The following GPHN variants were observed in gnomAD, a reference collection of about 807,000 sequenced individuals.
The protein encoded by GPHN is gephyrin.
A neutral mutation model predicts 95.5 loss-of-function variants in GPHN; 17 were observed. The ratio of observed to expected loss-of-function variants is 0.18; its 90% CI spans 0.12 to 0.27. GPHN has a LOEUF of 0.27. Among genes scored for constraint, GPHN ranks in the 10% least tolerant of loss-of-function variants. The pLI, the probability that GPHN is intolerant of heterozygous loss-of-function variation, is 1.00. For missense variants in GPHN, 660 were observed against 978.1 expected (o/e 0.67, Z 4.34); for synonymous variants, 320 against 322.5 (o/e 0.99, Z 0.08).
chr14:67,381,540 CTT>C, the GPHN span: 1 of 1,432,642 alleles, frequency 7.0e-7, no homozygotes, highest in Non-Finnish European at 9.8e-7. Flanking sequence ...TTCCTTTAAA[CTT>C]TTAAATATTT....
At chr14:67,039,016 C>A (rs543672453) in intron 10 of GPHN, among the ~76,000 whole-genome samples, 1 of 152,280 alleles carries the variant, frequency 6.6e-6, no homozygotes, top group Admixed American at 6.5e-5. Context: ...TATCTTCAGT[C>A]TCTTGCTCCC....
At chr14:66,828,980 G>T (rs1174385264) in intron 4 of GPHN, among the ~76,000 whole-genome samples, 1 of 150,974 alleles carries the variant, frequency 6.6e-6, no homozygotes, top group Non-Finnish European at 1.5e-5. Flanking sequence ...AATATGAGAT[G>T]CTATCAAAAC....
intron 1 of GPHN, among the ~76,000 whole-genome samples, chr14:66,613,127 T>C (rs571472290): frequency 4.6e-5 from 7 of 152,130 alleles, no homozygotes; most frequent in African/African-American, 1.2e-4. Context: ...AGGGGAAATA[T>C]AGGGTTAGGT....
At chr14:66,669,020 A>T (rs1477119360) in intron 1 of GPHN, among the ~76,000 whole-genome samples, 3 of 151,664 alleles carry the variant, frequency 2.0e-5, no homozygotes, top group African/African-American at 7.3e-5. Flanking sequence ...AGCAGGGATT[A>T]CAGGCAGGGT....
At chr14:67,630,190 G>C in the GPHN span, among the ~76,000 whole-genome samples, 1 of 152,236 alleles carries the variant, frequency 6.6e-6, no homozygotes, top group Non-Finnish European at 1.5e-5. Context: ...TTGTGCAAAA[G>C]TAATTGCGGT....
At position 67,045,243 on chromosome 14, in the gene GPHN, T is replaced by C. The variant is rs149111634; in HGVS notation, c.1007-13406T>C. On this transcript the variant is annotated intron_variant, in intron 10 of 22. Transcript: ENST00000478722. The stretch of plus-strand genomic sequence containing the variant: ...TCTCAAATATGTATCTCCAAACACT[T>C]CTCTCAATTTCCACAACTACCCGCA... Among the ~76,000 whole-genome samples the C allele has an allele frequency of 2.0e-5, 3 of 152,318 alleles. No homozygotes were observed. The East Asian group carries it at 5.8e-4, about 29-fold the overall frequency.
At chr14:67,642,789 T>C in the GPHN span, among the ~76,000 whole-genome samples, 5 of 119,564 alleles carry the variant, frequency 4.2e-5, no homozygotes, top group Admixed American at 1.0e-4. Flanking sequence ...TGTTACTACA[T>C]TTTCTTTTTT....
Position 66,998,888 on chromosome 14 carries a change from A to AAAT in GPHN, c.964-24744_964-24743insATA, listed in dbSNP as rs1555460418. On this transcript the variant is annotated intron_variant, in intron 9 of 22. Coordinates refer to ENST00000478722, the MANE Select transcript of GPHN (RefSeq NM_020806.5). ...TTATGGTCCCTTTGTAAAAAAAAAA[A>AAAT]ATATATATATATATATACACATATA... Among the ~76,000 whole-genome samples the AAAT allele has an allele frequency of 1.3e-3, 184 of 142,920 alleles. 1 individual carries two copies. Among genetic ancestry groups the AAAT allele is most frequent in the African/African-American group, 4.5e-3 (170 of 38,172 alleles). 93.8% of individuals were successfully genotyped at this position (142,920 alleles called of 152,430 possible).
chr14:67,686,030 G>A, the GPHN span: 5 of 152,192 alleles, frequency 3.3e-5, no homozygotes, highest in Admixed American at 2.0e-4. Flanking sequence ...AACATTAAAT[G>A]TTGGAGTTCT....
chr14:67,533,303 G>C, the GPHN span: 1 of 151,808 alleles, frequency 6.6e-6, no homozygotes, highest in Non-Finnish European at 1.5e-5. Flanking sequence ...GGCAGCCCGG[G>C]ACTCCGGCGA....
chr14:67,179,118 C>T (rs2083183290), intron 21 of GPHN, among the ~76,000 whole-genome samples: 1 of 152,216 alleles, frequency 6.6e-6, no homozygotes, highest in South Asian at 2.1e-4. Flanking sequence ...GGCATGGTGG[C>T]TCATGCCTAT....
At chr14:66,839,283 A>C (rs1018044981) in intron 4 of GPHN, among the ~76,000 whole-genome samples, 1 of 152,242 alleles carries the variant, frequency 6.6e-6, no homozygotes, top group Non-Finnish European at 1.5e-5. Flanking sequence ...TGGAAGGACT[A>C]ATTGATATAC....
At chr14:67,162,157 CT>C (rs1268260262) in intron 19 of GPHN, among the ~76,000 whole-genome samples, 1 of 152,004 alleles carries the variant, frequency 6.6e-6, no homozygotes. Context: ...CAATGGAATC[CT>C]TTTTTAAATG....
chr14:66,869,406 T>C (rs1490192522), intron 4 of GPHN, among the ~76,000 whole-genome samples: 4 of 152,218 alleles, frequency 2.6e-5, no homozygotes, highest in Non-Finnish European at 4.4e-5. Flanking sequence ...ATTCTCTTAT[T>C]CTTTGTTTTC....
At chr14:66,861,311 CAA>C (rs1190530366) in intron 4 of GPHN, among the ~76,000 whole-genome samples, 1 of 151,658 alleles carries the variant, frequency 6.6e-6, no homozygotes, top group Non-Finnish European at 1.5e-5. Context: ...GTGAATTCAG[CAA>C]TGAACCCAAT....
At chr14:67,134,889 TTTC>T (rs1322225121) in intron 17 of GPHN, among the ~76,000 whole-genome samples, 1 of 150,710 alleles carries the variant, frequency 6.6e-6, no homozygotes, top group Non-Finnish European at 1.5e-5. Context: ...TTCTTTCTTT[TTTC>T]TTCTTTATCT....
intron 4 of GPHN, among the ~76,000 whole-genome samples, chr14:66,857,690 C>CA (rs370886713): frequency 2.0e-5 from 3 of 152,138 alleles, no homozygotes; most frequent in South Asian, 4.2e-4. Context: ...TTATCAAAAC[C>CA]AAAAAACAGA....
intron 10 of GPHN, among the ~76,000 whole-genome samples, chr14:67,043,455 T>C (rs2074825705): frequency 6.6e-6 from 1 of 152,244 alleles, no homozygotes; most frequent in African/African-American, 2.4e-5. Flanking sequence ...TGTTGAATTT[T>C]GTCAAAGGCC....
intron 1 of GPHN, among the ~76,000 whole-genome samples, chr14:66,613,700 A>G (rs1222503267): frequency 6.6e-6 from 1 of 151,978 alleles, no homozygotes; most frequent in Non-Finnish European, 1.5e-5. Flanking sequence ...TTTCTTGGAT[A>G]GATATTAGTA....
Sources: allele counts gnomAD v4.1 joint callset (sites outside exome capture counted in the v4.1 genomes callset), GRCh38; gene constraint gnomAD v4.1.1; transcripts MANE v1.5; gene names NCBI Gene and HGNC (gene_info 2026-07-23, HGNC 2026-07-21).